The following GALM variants were observed in gnomAD, a reference collection of about 807,000 sequenced individuals.
GALM encodes the protein aldose 1-epimerase.
GALM carries 43 observed loss-of-function variants against 37.4 expected under a neutral mutation model. The observed-to-expected ratio is 1.15, with a 90% CI of 0.90 to 1.48. GALM has a LOEUF of 1.48. Among genes scored for constraint, GALM ranks in the 40% most tolerant of loss-of-function variants. The pLI is 0.00. For synonymous variants in GALM, 199 were observed against 170.6 expected (o/e 1.17, Z -1.30); for missense variants, 456 against 419.1 (o/e 1.09, Z -0.77).
intron 3 of GALM, among the ~76,000 whole-genome samples, chr2:38,683,610 A>G (rs1286113321): frequency 6.6e-6 from 1 of 151,726 alleles, no homozygotes; most frequent in Non-Finnish European, 1.5e-5. Flanking sequence ...CTTGTTGCCC[A>G]GGCTGGAATG....
chr2:38,714,542 ACTTGGCT>A (rs1666232143), intron 4 of GALM, among the ~76,000 whole-genome samples: 1 of 152,178 alleles, frequency 6.6e-6, no homozygotes, highest in Non-Finnish European at 1.5e-5. Flanking sequence ...GGTGTAACCC[ACTTGGCT>A]CTCAAGCAGA....
Position 38,689,913 on chromosome 2 carries a change from T to C in GALM, c.634+19T>C, listed in dbSNP as rs957862509. ...CCTACAGGTTGGTGAATTTAACCTT[T>C]TTGTGTTATGTGGGATCATGGATTG... On this transcript the variant is annotated intron_variant, in intron 4 of 6. Coordinates refer to ENST00000272252, the MANE Select transcript of GALM (RefSeq NM_138801.3). 6.7e-7 allele frequency: 1 copy of C among 1,488,340 alleles called. No homozygotes were observed. The highest frequency in any genetic ancestry group is 1.4e-5 in the African/African-American group (1 of 72,024). 92.2% of individuals were successfully genotyped at this position (1,488,340 alleles called of 1,614,324 possible).
Position 38,676,080 on chromosome 2 carries a change from A to G in GALM, c.345+14A>G. On this transcript the variant is annotated intron_variant, in intron 2 of 6. Coordinates refer to ENST00000272252, the MANE Select transcript of GALM (RefSeq NM_138801.3). ...GGGTTTGATAAAGTAAGTACGGCAC[A>G]TGTGACTGAGTTCCCTTTAGGCTCA... is the stretch of plus-strand genomic sequence containing the variant. 6.2e-7 allele frequency: 1 copy of G among 1,613,560 alleles called. No individual in the cohort carries two copies. The highest frequency in any genetic ancestry group is 8.5e-7 in the Non-Finnish European group (1 of 1,179,598).
chr2:38,694,538 G>C (rs1024730959), intron 4 of GALM, among the ~76,000 whole-genome samples: 1 of 152,160 alleles, frequency 6.6e-6, no homozygotes, highest in East Asian at 1.9e-4. Flanking sequence ...AAGGGAAGGA[G>C]GGAGAGGTTT....
At chr2:38,722,206 C>G (rs1047218403) in intron 4 of GALM, among the ~76,000 whole-genome samples, 1 of 151,896 alleles carries the variant, frequency 6.6e-6, no homozygotes, top group Non-Finnish European at 1.5e-5. Flanking sequence ...CTAAGAAGTC[C>G]GTCATGAGAA....
intron 1 of GALM, among the ~76,000 whole-genome samples, chr2:38,667,503 G>A (rs1421864442): frequency 2.6e-5 from 4 of 152,176 alleles, no homozygotes; most frequent in Admixed American, 2.6e-4. Context: ...CCAGGAGGCG[G>A]AGGTTGCAGT....
At chr2:38,692,529 G>A (rs1287764819) in intron 4 of GALM, among the ~76,000 whole-genome samples, 1 of 152,180 alleles carries the variant, frequency 6.6e-6, no homozygotes, top group Admixed American at 6.5e-5. Flanking sequence ...GGGATTACAG[G>A]TGTGAGCCAC....
chr2:38,672,981 C>A (rs1372669308), intron 1 of GALM, among the ~76,000 whole-genome samples: 1 of 152,140 alleles, frequency 6.6e-6, no homozygotes, highest in Non-Finnish European at 1.5e-5. Context: ...TGCACTCCAG[C>A]CCAGGCTATA....
intron 2 of GALM, 39 bp from the exon 3 acceptor site, chr2:38,681,241 A>G: frequency 6.8e-7 from 1 of 1,465,110 alleles, no homozygotes; most frequent in Non-Finnish European, 9.6e-7. Context: ...TAGCTTGAGG[A>G]TGGAGCAACT....
At chr2:38,669,304 A>C (rs1048333428) in intron 1 of GALM, 19 of 152,262 alleles carry the variant, frequency 1.2e-4, no homozygotes, top group African/African-American at 4.6e-4. Context: ...AAGCAGTGTG[A>C]AAATCCCTGT....
intron 4 of GALM, among the ~76,000 whole-genome samples, chr2:38,726,894 C>G (rs1483191016): frequency 2.8e-4 from 1 of 3,554 alleles, no homozygotes; most frequent in Non-Finnish European, 4.8e-4. Context: ...AAAACTCTGT[C>G]TTAAAAAAAA....
chr2:38,675,811 C>A, intron 1 of GALM, 101 bp from the exon 2 acceptor site: 1 of 1,062,940 alleles, frequency 9.4e-7, no homozygotes, highest in South Asian at 1.4e-5. Flanking sequence ...CCTTGTGATC[C>A]GCCTGCCTCG....
At chr2:38,669,888 A>T (rs1444217344) in intron 1 of GALM, among the ~76,000 whole-genome samples, 1 of 144,318 alleles carries the variant, frequency 6.9e-6, no homozygotes, top group East Asian at 2.1e-4. Flanking sequence ...AGAAAAAAAA[A>T]GTTTTTCTTT....
intron 3 of GALM, among the ~76,000 whole-genome samples, chr2:38,681,949 G>T (rs766398452): frequency 2.6e-5 from 4 of 152,266 alleles, no homozygotes; most frequent in Admixed American, 6.5e-5. Flanking sequence ...GGGTGGGCCA[G>T]TCCTGCCCTG....
At chr2:38,670,247 C>T (rs75149474) in intron 1 of GALM, among the ~76,000 whole-genome samples, 1,723 of 152,276 alleles carry the variant, frequency 0.011, 30 homozygotes, top group African/African-American at 0.038. Context: ...TGCTTATAAG[C>T]CACAGGTATA....
At chr2:38,727,417 C>T (rs987765090) in intron 4 of GALM, among the ~76,000 whole-genome samples, 2 of 151,872 alleles carry the variant, frequency 1.3e-5, no homozygotes, top group African/African-American at 4.8e-5. Flanking sequence ...CATTTCTGAA[C>T]AGCAGTTCTG....
At chr2:38,726,222 T>A (rs551694086) in intron 4 of GALM, among the ~76,000 whole-genome samples, 39 of 13,432 alleles carry the variant, frequency 2.9e-3, no homozygotes, top group African/African-American at 8.1e-3. Context: ...CTTTATTTTT[T>A]TTTTTTTATT....
chr2:38,710,160 T>G (rs983315228), intron 4 of GALM, among the ~76,000 whole-genome samples: 1 of 152,208 alleles, frequency 6.6e-6, no homozygotes, highest in African/African-American at 2.4e-5. Flanking sequence ...CTGTGCAACT[T>G]GTGAAAATGC....
intron 1 of GALM, among the ~76,000 whole-genome samples, chr2:38,670,782 G>A (rs764581471): frequency 2.0e-5 from 3 of 152,190 alleles, no homozygotes; most frequent in Non-Finnish European, 2.9e-5. Context: ...AAAATGGCAT[G>A]GAGATTCAAC....
Sources: allele counts gnomAD v4.1 joint callset (sites outside exome capture counted in the v4.1 genomes callset), GRCh38; gene constraint gnomAD v4.1.1; transcripts MANE v1.5; gene names NCBI Gene and HGNC (gene_info 2026-07-23, HGNC 2026-07-21).